The following DOCK1 variants were observed in gnomAD, a reference collection of about 807,000 sequenced individuals.
The protein encoded by DOCK1 is dedicator of cytokinesis 1.
Under a neutral mutation model 262.7 loss-of-function variants are expected in DOCK1, and 138 were observed. The ratio of observed to expected loss-of-function variants is 0.53; its 90% CI spans 0.46 to 0.61. The LOEUF is 0.61. DOCK1 is among the 20% of genes least tolerant of loss of function. DOCK1 has a pLI of 0.00. For synonymous variants in DOCK1, 866 were observed against 867.4 expected (o/e 1.00, Z 0.03); for missense variants, 1,908 against 2,370.7 (o/e 0.80, Z 4.05).
intron 1 of DOCK1, among the ~76,000 whole-genome samples, chr10:126,960,082 G>T (rs1199979918): frequency 6.6e-6 from 1 of 152,148 alleles, no homozygotes; most frequent in Non-Finnish European, 1.5e-5. Flanking sequence ...ACGAGCCACC[G>T]CATTTATTTG....
chr10:127,197,863 A>T (rs2057282586), intron 27 of DOCK1, among the ~76,000 whole-genome samples: 1 of 152,134 alleles, frequency 6.6e-6, no homozygotes, highest in Non-Finnish European at 1.5e-5. Context: ...TTGTATGTGG[A>T]TGCTTTGGGC....
At chr10:127,318,935 G>A (rs1348435752) in intron 29 of DOCK1, among the ~76,000 whole-genome samples, 6 of 152,192 alleles carry the variant, frequency 3.9e-5, no homozygotes, top group Non-Finnish European at 7.3e-5. Flanking sequence ...GCTTTGGAGT[G>A]TGGGTGCTGG....
chr10:126,973,112 G>C (rs2038237730), intron 2 of DOCK1, among the ~76,000 whole-genome samples: 1 of 151,970 alleles, frequency 6.6e-6, no homozygotes, highest in Non-Finnish European at 1.5e-5. Context: ...TGAAATCCTG[G>C]TTAATAAACA....
chr10:127,208,368 G>A (rs1227175526), intron 27 of DOCK1, among the ~76,000 whole-genome samples: 1 of 152,158 alleles, frequency 6.6e-6, no homozygotes, highest in Non-Finnish European at 1.5e-5. Flanking sequence ...CCAGCTGATT[G>A]ATTTAGTATT....
chr10:127,016,840 A>G (rs916744808), intron 12 of DOCK1, among the ~76,000 whole-genome samples: 2 of 77,332 alleles, frequency 2.6e-5, no homozygotes, highest in Non-Finnish European at 5.3e-5. Flanking sequence ...CTACACATAC[A>G]CACACACAGA....
At chr10:126,988,915 A>G (rs963563217) in intron 5 of DOCK1, among the ~76,000 whole-genome samples, 2 of 152,124 alleles carry the variant, frequency 1.3e-5, no homozygotes, top group Non-Finnish European at 2.9e-5. Flanking sequence ...CCTACTAAAA[A>G]TACAAAAATT....
rs993978092 is a variant in DOCK1 at position 127,054,626 on chromosome 10, G to C, written c.2336+1811G>C. On this transcript the variant is annotated intron_variant, in intron 22 of 51. Transcript: ENST00000623213. ...TAATTCTATGAAAATGAACTTCCTG[G>C]CCCCCCCTGCCTTGCTGTTATATTT... 2.6e-5 allele frequency among the ~76,000 whole-genome samples: 4 copies of C among 152,002 alleles called. No homozygotes were observed. In the South Asian group the frequency reaches 6.2e-4, roughly 24 times the overall value.
chr10:126,911,257 G>T (rs2031715623), intron 1 of DOCK1, among the ~76,000 whole-genome samples: 1 of 152,178 alleles, frequency 6.6e-6, no homozygotes, highest in African/African-American at 2.4e-5. Flanking sequence ...TGTCATTGTG[G>T]TTGGAGTTTG....
chr10:127,215,352 C>A (rs1287123663), intron 27 of DOCK1, among the ~76,000 whole-genome samples: 1 of 152,192 alleles, frequency 6.6e-6, no homozygotes, highest in African/African-American at 2.4e-5. Context: ...GAAGACCCAG[C>A]CACGCAGCTC....
At chr10:127,018,171 G>T (rs1346755955) in intron 12 of DOCK1, among the ~76,000 whole-genome samples, 1 of 152,222 alleles carries the variant, frequency 6.6e-6, no homozygotes, top group African/African-American at 2.4e-5. Context: ...GGCTGCACCT[G>T]TCCTGGCTGC....
chr10:127,090,865 C>G (rs1290632341), intron 23 of DOCK1, among the ~76,000 whole-genome samples: 1 of 152,142 alleles, frequency 6.6e-6, no homozygotes, highest in Non-Finnish European at 1.5e-5. Flanking sequence ...TATGGACAGA[C>G]CACAGGTGTT....
At chr10:127,062,219 G>A (rs988277461) in intron 23 of DOCK1, among the ~76,000 whole-genome samples, 5 of 152,086 alleles carry the variant, frequency 3.3e-5, no homozygotes, top group Non-Finnish European at 7.4e-5. Context: ...GATTATAGGC[G>A]TGAGCCACTG....
intron 1 of DOCK1, among the ~76,000 whole-genome samples, chr10:126,937,927 C>A (rs2034664244): frequency 6.6e-6 from 1 of 152,088 alleles, no homozygotes; most frequent in African/African-American, 2.4e-5. Flanking sequence ...ATTGCCAAAT[C>A]CAGTGCCTCG....
chr10:127,444,441 A>T (rs1338712694), intron 50 of DOCK1, among the ~76,000 whole-genome samples, 162 bp downstream of exon 50: 1 of 152,118 alleles, frequency 6.6e-6, no homozygotes, highest in Non-Finnish European at 1.5e-5. Flanking sequence ...GACAGGCTGT[A>T]GAGTCTGGAC....
intron 27 of DOCK1, among the ~76,000 whole-genome samples, chr10:127,130,570 GAT>G (rs1284758624): frequency 5.3e-5 from 8 of 152,204 alleles, no homozygotes; most frequent in Non-Finnish European, 7.3e-5. Flanking sequence ...TGCAGGGAAT[GAT>G]ATCTCCTCTC....
intron 1 of DOCK1, among the ~76,000 whole-genome samples, chr10:126,909,224 T>C (rs1286538551): frequency 1.3e-5 from 2 of 152,160 alleles, no homozygotes; most frequent in Non-Finnish European, 2.9e-5. Flanking sequence ...GAGAGAGGCC[T>C]CAGGGAGCTA....
chr10:127,199,846 A>G (rs190286992), intron 27 of DOCK1, among the ~76,000 whole-genome samples: 132 of 152,264 alleles, frequency 8.7e-4, no homozygotes, highest in African/African-American at 2.8e-3. Context: ...TGTCATTGCA[A>G]TGTCCACATG....
chr10:127,367,176 T>C (rs1185992013), intron 33 of DOCK1, among the ~76,000 whole-genome samples: 1 of 152,250 alleles, frequency 6.6e-6, no homozygotes, highest in African/African-American at 2.4e-5. Flanking sequence ...TTGGCTTTTC[T>C]AACGTTGCCC....
chr10:127,197,138 A>G (rs1178789539), intron 27 of DOCK1, among the ~76,000 whole-genome samples: 1 of 152,058 alleles, frequency 6.6e-6, no homozygotes, highest in African/African-American at 2.4e-5. Flanking sequence ...AGGTCCTATG[A>G]GTGGCCTGAG....
Sources: gnomAD v4.1 joint callset for allele counts (sites outside exome capture counted in the v4.1 genomes callset) on GRCh38, gnomAD v4.1.1 for gene constraint, MANE v1.5 for transcripts, NCBI Gene and HGNC (gene_info 2026-07-23, HGNC 2026-07-21) for gene names.